Variants in CPNE5 observed in about 807,000 individuals in gnomAD.
CPNE5 encodes copine 5.
A neutral mutation model predicts 81.1 loss-of-function variants in CPNE5; 42 were observed. The observed-to-expected ratio is 0.52, with a 90% CI of 0.40 to 0.67. The LOEUF (loss-of-function observed/expected upper bound fraction) is 0.67, where lower values mean the gene tolerates loss of function less well. CPNE5 is among the 30% of genes least tolerant of loss of function. The pLI is 0.00. For missense variants in CPNE5, 612 were observed against 815.5 expected (o/e 0.75, Z 3.04); for synonymous variants, 313 against 321.5 (o/e 0.97, Z 0.28).
intron 12 of CPNE5, among the ~76,000 whole-genome samples, chr6:36,762,315 C>CACACACA (rs1766121330): frequency 6.6e-6 from 1 of 151,158 alleles, no homozygotes; most frequent in Admixed American, 6.6e-5. Flanking sequence ...CACACACACA[C>CACACACA]ACACACGCAT....
In CPNE5 at chr6:36,742,137, C is replaced by T. The variant is rs1763623052; in HGVS notation, c.*131G>A. On this transcript the variant is annotated 3_prime_UTR_variant, in exon 21 of 21. Transcript: ENST00000244751. ...TGAGGAGGGGTCTTCAGAAGCCCCA[C>T]CCCCTGGCAGCCTCCCAGGCACACA... is the stretch of plus-strand genomic sequence containing the variant. 1 of 664,594 alleles carries T rather than the reference C, an allele frequency of 1.5e-6. No homozygotes were observed. The highest frequency in any genetic ancestry group is 2.5e-6 in the Non-Finnish European group (1 of 404,308). 41.2% of individuals were successfully genotyped at this position (664,594 alleles called of 1,614,324 possible). A position where few individuals can be genotyped will look rare whatever the true frequency, so the allele number is the denominator to read the frequency against.
intron 12 of CPNE5, among the ~76,000 whole-genome samples, chr6:36,761,638 G>C (rs1766035240): frequency 6.6e-6 from 1 of 152,248 alleles, no homozygotes; most frequent in African/African-American, 2.4e-5. Flanking sequence ...TGGGCACACA[G>C]TGCTCAGCAG....
intron 10 of CPNE5, among the ~76,000 whole-genome samples, chr6:36,769,702 C>T (rs1342209025): frequency 1.3e-5 from 2 of 152,188 alleles, no homozygotes; most frequent in South Asian, 2.1e-4. Context: ...TGCGCAACAC[C>T]GGGCAGTGCC....
At chr6:36,745,558 A>G in intron 16 of CPNE5, 43 bp from the exon 17 acceptor site, 3 of 1,564,270 alleles carry the variant, frequency 1.9e-6, no homozygotes, top group Non-Finnish European at 2.6e-6. Flanking sequence ...GGAAGGAAGG[A>G]CAGGGGTGCA....
chr6:36,799,864 C>T, intron 4 of CPNE5, 103 bp downstream of exon 4: 1 of 820,718 alleles, frequency 1.2e-6, no homozygotes. Flanking sequence ...CCCTGGGCTC[C>T]CACTAATTTC....
rs149994246 is a variant in CPNE5 at position 36,787,047 on chromosome 6, T to C, written c.528+4986A>G. 3.5e-3 allele frequency among the ~76,000 whole-genome samples: 532 copies of C among 152,308 alleles called. 6 individuals carry two copies. The highest frequency in any genetic ancestry group is 0.012 in the African/African-American group (489 of 41,558). ...CTTAAGAAGGGTGATGTTTGAATGC[T>C]GGTTACACGGGATGCTCATATCGGT... On this transcript the variant is annotated intron_variant, in intron 8 of 20. Transcript: ENST00000244751.
chr6:36,749,903 C>A (rs1478666944), intron 14 of CPNE5, among the ~76,000 whole-genome samples: 1 of 152,224 alleles, frequency 6.6e-6, no homozygotes, highest in Admixed American at 6.5e-5. Flanking sequence ...TCTAGGTTCT[C>A]TGCCGGGTCC....
rs546858400 is a variant in CPNE5 at position 36,770,573 on chromosome 6, C to T, written c.737+4388G>A. The stretch of plus-strand genomic sequence containing the variant: ...ACAATAGGAGGGAATGATCCCTGAC[C>T]GTGCCGCCCTCCTCTTAGTTCCCTC... On this transcript the variant is annotated intron_variant, in intron 10 of 20. Transcript: ENST00000244751. Among the ~76,000 whole-genome samples, 6 of 152,160 alleles carry T rather than the reference C, an allele frequency of 3.9e-5. No homozygotes were observed. In the East Asian group the frequency reaches 9.7e-4, roughly 25 times the overall value.
chr6:36,809,366 A>G (rs1770891485), intron 3 of CPNE5, among the ~76,000 whole-genome samples: 1 of 152,112 alleles, frequency 6.6e-6, no homozygotes, highest in African/African-American at 2.4e-5. Flanking sequence ...GCTTGAACCT[A>G]GGAGTTCGAG....
intron 3 of CPNE5, among the ~76,000 whole-genome samples, chr6:36,802,135 C>T (rs1352770872): frequency 7.0e-6 from 1 of 142,682 alleles, no homozygotes; most frequent in Non-Finnish European, 1.5e-5. Context: ...AGGAGAATCG[C>T]TTGAACCCAG....
intron 20 of CPNE5, chr6:36,743,079 C>G: frequency 1.0e-6 from 1 of 985,410 alleles, no homozygotes; most frequent in African/African-American, 1.7e-5. Flanking sequence ...GGTCTCCACA[C>G]CTGGGATACT....
intron 1 of CPNE5, among the ~76,000 whole-genome samples, chr6:36,835,798 C>T (rs1279266826): frequency 6.6e-6 from 1 of 150,612 alleles, no homozygotes; most frequent in African/African-American, 2.5e-5. Context: ...AGCAAAAACT[C>T]CGTCTCAAAA....
rs145001070 is a variant in CPNE5 at position 36,774,641 on chromosome 6, C to T, written c.737+320G>A. Among the ~76,000 whole-genome samples, 725 of 152,370 alleles carry T rather than the reference C, an allele frequency of 4.8e-3. 5 individuals carry two copies. Among genetic ancestry groups the T allele is most frequent in the African/African-American group, 0.016 (674 of 41,586 alleles). ...ACACCCATCTGGGTTTCCCTGGAAT[C>T]CTGGGCACTTCCCATCCCCCTAACC... On this transcript the variant is annotated intron_variant, in intron 10 of 20. Coordinates refer to ENST00000244751, the MANE Select transcript of CPNE5 (RefSeq NM_020939.2).
intron 1 of CPNE5, among the ~76,000 whole-genome samples, chr6:36,838,000 C>T (rs544691255): frequency 6.6e-6 from 1 of 152,230 alleles, no homozygotes; most frequent in South Asian, 2.1e-4. Context: ...TGTATGGGAC[C>T]TGGGAGCTAT....
At chr6:36,795,470 T>C (rs531176501) in intron 6 of CPNE5, among the ~76,000 whole-genome samples, 2 of 152,280 alleles carry the variant, frequency 1.3e-5, no homozygotes, top group African/African-American at 4.8e-5. Context: ...TGAGCCACCA[T>C]GCCCAGCCTG....
At chr6:36,822,253 A>G (rs1010986872) in intron 2 of CPNE5, 93 bp from the exon 3 acceptor site, 4 of 1,037,730 alleles carry the variant, frequency 3.9e-6, no homozygotes, top group Non-Finnish European at 5.5e-6. Context: ...CAGGCGCCTC[A>G]GCAGACCCAG....
chr6:36,814,643 A>C (rs1014003939), intron 3 of CPNE5, among the ~76,000 whole-genome samples: 27 of 152,146 alleles, frequency 1.8e-4, no homozygotes, highest in African/African-American at 6.3e-4. Flanking sequence ...TGATGATCTA[A>C]GGCAAGCCCC....
chr6:36,786,094 C>T (rs992159148), intron 8 of CPNE5, among the ~76,000 whole-genome samples: 3 of 151,520 alleles, frequency 2.0e-5, no homozygotes, highest in African/African-American at 7.3e-5. Context: ...GCTGGATTTT[C>T]CAAATCTCCT....
At chr6:36,742,785 G>A (rs755522210) in intron 20 of CPNE5, 1 of 985,354 alleles carries the variant, frequency 1.0e-6, no homozygotes, top group Non-Finnish European at 1.2e-6. Flanking sequence ...CAGGCTCTGA[G>A]TAGGTGCTTC....
Sources: gnomAD v4.1 joint callset for allele counts (sites outside exome capture counted in the v4.1 genomes callset) on GRCh38, gnomAD v4.1.1 for gene constraint, MANE v1.5 for transcripts, NCBI Gene and HGNC (gene_info 2026-07-23, HGNC 2026-07-21) for gene names.